The following ZNF782 variants were observed in gnomAD, a reference collection of about 807,000 sequenced individuals.
ZNF782 encodes zinc finger protein 782.
A neutral mutation model predicts 13.0 loss-of-function variants in ZNF782; 12 were observed. That is an observed-to-expected ratio of 0.92 (90% CI 0.59 to 1.50). ZNF782 has a LOEUF of 1.50. ZNF782 is among the 40% of genes most tolerant of loss of function. The pLI is 0.00. For missense variants in ZNF782, 770 were observed against 822.9 expected, an observed-to-expected ratio of 0.94 and a Z score of 0.79; for synonymous variants, 284 against 283.0, an observed-to-expected ratio of 1.00 and a Z score of -0.04.
At chr9:96,860,973 G>T (rs1851696282) in intron 2 of ZNF782, among the ~76,000 whole-genome samples, 1 of 152,202 alleles carries the variant, frequency 6.6e-6, no homozygotes, top group Non-Finnish European at 1.5e-5. Context: ...CTTGGCTGGT[G>T]CAGAGGCTCA....
chr9:96,872,547 G>A (rs1008759205), intron 1 of ZNF782, among the ~76,000 whole-genome samples: 2 of 149,108 alleles, frequency 1.3e-5, no homozygotes, highest in Admixed American at 1.4e-4. Context: ...AAAAAAAATT[G>A]TGACTAGTAT....
chr9:96,905,387 G>A, the ZNF782 span, among the ~76,000 whole-genome samples: 2 of 151,596 alleles, frequency 1.3e-5, no homozygotes, highest in African/African-American at 4.9e-5. Context: ...GGCAATGTCA[G>A]GAAGTTACTC....
intron 1 of ZNF782, among the ~76,000 whole-genome samples, chr9:96,875,262 T>TC (rs1422981061): frequency 6.6e-6 from 1 of 152,048 alleles, no homozygotes; most frequent in African/African-American, 2.4e-5. Context: ...TTTAGGTGAG[T>TC]CATCCAATGA....
At chr9:96,875,329 A>G (rs1340207881) in intron 1 of ZNF782, 1 of 371,154 alleles carries the variant, frequency 2.7e-6, no homozygotes, top group African/African-American at 2.1e-5. Context: ...AGGGTTTAGT[A>G]ACTGCACTTG....
the ZNF782 span, among the ~76,000 whole-genome samples, chr9:96,910,858 G>A: frequency 9.3e-5 from 14 of 149,948 alleles, no homozygotes; most frequent in Non-Finnish European, 1.2e-4. Context: ...GTATGGTCTC[G>A]ATCTCCTGAC....
chr9:96,828,018 G>T (rs750774635), intron 4 of ZNF782, among the ~76,000 whole-genome samples: 1 of 152,226 alleles, frequency 6.6e-6, no homozygotes, highest in Admixed American at 6.5e-5. Context: ...ATTTGTGGGA[G>T]TAAATGCCAG....
chr9:96,872,625 A>G (rs569199515), intron 1 of ZNF782, among the ~76,000 whole-genome samples: 3 of 152,300 alleles, frequency 2.0e-5, no homozygotes, highest in Middle Eastern at 3.4e-3. Flanking sequence ...GTCAGTCTTG[A>G]TATGTCTTAA....
At chr9:96,913,975 A>AC in the ZNF782 span, among the ~76,000 whole-genome samples, 1 of 146,062 alleles carries the variant, frequency 6.8e-6, no homozygotes, top group African/African-American at 2.5e-5. Context: ...CCTTGTCTCA[A>AC]AAAAAAAAAA....
chr9:96,860,824 G>A (rs1851694710), intron 2 of ZNF782, among the ~76,000 whole-genome samples: 1 of 152,334 alleles, frequency 6.6e-6, no homozygotes. Flanking sequence ...AAGGTGCCGA[G>A]AACATACAAT....
Position 96,817,917 on chromosome 9 carries a change from A to G in ZNF782, c.*6T>C, listed in dbSNP as rs73654606. 0.045 allele frequency: 69,966 copies of G among 1,540,712 alleles called. 7,789 individuals are homozygous for G. The highest frequency in any genetic ancestry group is 0.39 in the African/African-American group (27,755 of 71,958). On this transcript the variant is annotated 3_prime_UTR_variant, in exon 6 of 6. Coordinates refer to ENST00000481138, the MANE Select transcript of ZNF782 (RefSeq NM_001001662.3). ...GAGTTTTTTCGTATTCTTTATATGC[A>G]TACATTTAATCCCCTGGGTGGGCTT...
intron 1 of ZNF782, among the ~76,000 whole-genome samples, chr9:96,863,647 T>A (rs936379853): frequency 2.6e-5 from 4 of 152,156 alleles, no homozygotes; most frequent in Non-Finnish European, 4.4e-5. Context: ...AAAGAAAATA[T>A]AGAATATATG....
chr9:96,847,465 A>G (rs1171737153), intron 3 of ZNF782, among the ~76,000 whole-genome samples: 4 of 152,198 alleles, frequency 2.6e-5, no homozygotes. Context: ...AAGTTCAATT[A>G]GAAATGAAAC....
At chr9:96,889,669 T>C in the ZNF782 span, 1 of 152,290 alleles carries the variant, frequency 6.6e-6, no homozygotes, top group South Asian at 2.1e-4. Context: ...CCAAAGTGCT[T>C]GGATTAGAGG....
chr9:96,925,349 A>T, the ZNF782 span, among the ~76,000 whole-genome samples: 1 of 151,884 alleles, frequency 6.6e-6, no homozygotes, highest in South Asian at 2.1e-4. Context: ...TAGAAACGAG[A>T]GAGTCTGACC....
chr9:96,827,291 C>A (rs1850657519), intron 4 of ZNF782, 110 bp from the exon 5 acceptor site: 3 of 635,848 alleles, frequency 4.7e-6, no homozygotes, highest in South Asian at 5.3e-5. Flanking sequence ...GCTCACTGGA[C>A]CTTCCTTGGG....
the ZNF782 span, among the ~76,000 whole-genome samples, chr9:96,923,057 T>C: frequency 2.0e-5 from 3 of 146,396 alleles, no homozygotes; most frequent in East Asian, 2.5e-4. Flanking sequence ...CAGAACCCCA[T>C]CTCTCTATCA....
In ZNF782 at chr9:96,816,464, A is replaced by G. The variant is rs137957058; in HGVS notation, c.*1459T>C. The G allele has an allele frequency of 9.8e-5, 15 of 152,342 alleles. No homozygotes were observed. The highest frequency in any genetic ancestry group is 3.6e-4 in the African/African-American group (15 of 41,586). 9.4% of individuals were successfully genotyped at this position (152,342 alleles called of 1,614,324 possible). ...ACTCACAAAACATTCACATATTTGC[A>G]ACACTGCTTTTCAGTTTATGCAGTT... On this transcript the variant is annotated 3_prime_UTR_variant, in exon 6 of 6. Transcript: ENST00000481138.
rs1304500727 is a variant in ZNF782 at position 96,830,888 on chromosome 9, T to C, written c.143-3707A>G. On this transcript the variant is annotated intron_variant, in intron 4 of 5. Transcript: ENST00000481138. ...GCAAAGAAAGAGAAGATATATGAAG[T>C]AGGTATTTTAGAGTTGAAAAATAAC... Among the ~76,000 whole-genome samples, 4 of 152,144 alleles carry C rather than the reference T, an allele frequency of 2.6e-5. No individual in the cohort carries two copies. In the East Asian group the frequency reaches 7.7e-4, roughly 29 times the overall value.
rs1243346463 is a variant in ZNF782, at chr9:96,869,881, G to A, written c.-457+5587C>T. ...AGTATATAATAACTACTACAGATTG[G>A]GTAGAATTTGAATACATTCATAAAC... On this transcript the variant is annotated intron_variant, in intron 1 of 5. Transcript: ENST00000498811. Among the ~76,000 whole-genome samples, 7 of 152,078 alleles carry A rather than the reference G, an allele frequency of 4.6e-5. No homozygotes were observed. The South Asian group carries it at 1.5e-3, about 32-fold the overall frequency.
Sources: allele counts gnomAD v4.1 joint callset (sites outside exome capture counted in the v4.1 genomes callset), GRCh38; gene constraint gnomAD v4.1.1; transcripts MANE v1.5; gene names NCBI Gene and HGNC (gene_info 2026-07-23, HGNC 2026-07-21).